CRYGN: variants seen among roughly 807,000 people sequenced by gnomAD.
CRYGN encodes crystallin gamma N, also known as gamma-crystallin N.
A neutral mutation model predicts 19.2 loss-of-function variants in CRYGN; 17 were observed. The ratio of observed to expected loss-of-function variants is 0.89; its 90% CI spans 0.61 to 1.33. The LOEUF (loss-of-function observed/expected upper bound fraction) is 1.33. Ranked by LOEUF, CRYGN falls within the 40% of genes most tolerant of loss-of-function variation. CRYGN has a pLI of 0.00. For synonymous variants in CRYGN, 84 were observed against 85.8 expected (o/e 0.98, Z 0.12); for missense variants, 239 against 239.6 (o/e 1.00, Z 0.02).
chr7:151,429,248 T>C lies in CRYGN; in HGVS notation c.*800A>G, dbSNP rs1801413635. On this transcript the variant is annotated 3_prime_UTR_variant, in exon 4 of 4. Transcript: ENST00000337323. ...GTGAGGGATGGAGTGGGAATCAGGT[T>C]GGAGTTTGGAGCCAAGTTACCTTCT... 6.6e-6 allele frequency: 1 copy of C among 152,276 alleles called. No homozygotes were observed. Among genetic ancestry groups the C allele is most frequent in the Non-Finnish European group, 1.5e-5 (1 of 68,114 alleles). The allele number at this position is 152,276 out of a possible 1,614,324, so 9.4% of individuals were successfully genotyped here. A position where few individuals can be genotyped will look rare whatever the true frequency, so the allele number is the denominator to read the frequency against.
At position 151,435,902 on chromosome 7, in the gene CRYGN, G is replaced by T. The variant is rs951182017; in HGVS notation, c.416+278C>A. Reference sequence around the variant, plus strand: ...AAGGTACTCTCCTACCTCTGCTCCTGGACTGAGGCCCTAGAGGGAAGGTCT... The same window carrying T: ...AAGGTACTCTCCTACCTCTGCTCCTTGACTGAGGCCCTAGAGGGAAGGTCT... On this transcript the variant is annotated intron_variant, in intron 3 of 3. Coordinates refer to ENST00000337323, the MANE Select transcript of CRYGN (RefSeq NM_144727.3). This position sits in a 1 kb window ranked among gnomAD's most constrained non-coding sequence, Gnocchi z 4.2. 2.6e-5 allele frequency among the ~76,000 whole-genome samples: 4 copies of T among 152,176 alleles called. No homozygotes were observed. The highest frequency in any genetic ancestry group is 4.4e-5 in the Non-Finnish European group (3 of 68,030).
Position 151,435,580 on chromosome 7 carries a change from T to C in CRYGN, c.416+600A>G, listed in dbSNP as rs1330975029. Among the ~76,000 whole-genome samples the C allele has an allele frequency of 1.3e-5, 2 of 152,074 alleles. No homozygotes were observed. Among genetic ancestry groups the C allele is most frequent in the African/African-American group, 4.8e-5 (2 of 41,408 alleles). On this transcript the variant is annotated intron_variant, in intron 3 of 3. Transcript: ENST00000337323. The surrounding 1 kb of genome is among the most constrained non-coding windows in gnomAD (Gnocchi z 4.2). ...TGGGGCAGACAAACCCATCTGGGCCTGGGCAAAATTCCCCCAGCTACTTTC... is the reference window on the plus strand; with the variant it reads ...TGGGGCAGACAAACCCATCTGGGCCCGGGCAAAATTCCCCCAGCTACTTTC...
chr7:151,434,743 C>T (rs1200937061), intron 3 of CRYGN, among the ~76,000 whole-genome samples: 1 of 152,218 alleles, frequency 6.6e-6, no homozygotes, highest in Non-Finnish European at 1.5e-5. Flanking sequence ...GGAACCGTGG[C>T]TTTAAGCACA....
rs761689206 is a variant in CRYGN, at chr7:151,436,194, C to T, written c.402G>A (p.Val134=). 3.3e-6 allele frequency: 5 copies of T among 1,537,218 alleles called. No homozygotes were observed. The highest frequency in any genetic ancestry group is 4.4e-6 in the Non-Finnish European group (5 of 1,138,056). The change falls in exon 3 of 4, where the codon GTG becomes GTA. Residue 134 remains valine, a synonymous_variant. Coordinates refer to ENST00000337323, the MANE Select transcript of CRYGN (RefSeq NM_144727.3). The surrounding 1 kb of genome is among the most constrained non-coding windows in gnomAD (Gnocchi z 5.1). The stretch of plus-strand genomic sequence containing the variant: ...CCTGTACTCACGCTCCGTCCCCGTA[C>T]ACCTTGATGGTGTTCACACAGTTCT... The part of the protein sequence containing the change: ...WVKNCVNTIK[V]YGDGAAWSPR...
Position 151,436,805 on chromosome 7 carries a change from A to C in CRYGN, c.271-480T>G, listed in dbSNP as rs1005051558. On this transcript the variant is annotated intron_variant, in intron 2 of 3. Transcript: ENST00000337323. This position sits in a 1 kb window ranked among gnomAD's most constrained non-coding sequence, Gnocchi z 5.1. Reference sequence around the variant, plus strand: ...AACCTTTTAGTAAAACATAAAGCCAAAAATCTAAAACAAATACCAGATCTC... The same window carrying C: ...AACCTTTTAGTAAAACATAAAGCCACAAATCTAAAACAAATACCAGATCTC... The C allele has an allele frequency of 2.6e-5, 4 of 152,296 alleles. No homozygotes were observed. The highest frequency in any genetic ancestry group is 9.6e-5 in the African/African-American group (4 of 41,456). The allele number at this position is 152,296 out of a possible 1,614,324, so 9.4% of individuals were successfully genotyped here.
rs1801478384 is a variant in CRYGN at position 151,431,965 on chromosome 7, G to A, written c.417-1785C>T. The A allele has an allele frequency of 2.1e-5, 8 of 374,664 alleles. No homozygotes were observed. The highest frequency in any genetic ancestry group is 1.5e-4 in the South Asian group (1 of 6,780). The allele number at this position is 374,664 out of a possible 1,614,324, so 23.2% of individuals were successfully genotyped here. A position where few individuals can be genotyped will look rare whatever the true frequency, so the allele number is the denominator to read the frequency against. ...TGGCCCAGGGGGTCCCTGGGAGTCC[G>A]GGAAAGCGCCCTGGATCATCCAGCT... On this transcript the variant is annotated intron_variant, in intron 3 of 3. Transcript: ENST00000337323. The surrounding 1 kb of genome is among the most constrained non-coding windows in gnomAD (Gnocchi z 4.8).
At chr7:151,437,938 G>C (rs1801658514) in intron 2 of CRYGN, 58 bp downstream of exon 2, 1 of 1,603,512 alleles carries the variant, frequency 6.2e-7, no homozygotes, top group South Asian at 1.1e-5. Context: ...GTCTGCCAGG[G>C]CTGACCCTCG....
At chr7:151,434,118 C>A (rs1259079298) in intron 3 of CRYGN, among the ~76,000 whole-genome samples, 1 of 152,160 alleles carries the variant, frequency 6.6e-6, no homozygotes, top group African/African-American at 2.4e-5. Context: ...GGGGGCGTTA[C>A]CTCCTTGACA....
In CRYGN at chr7:151,435,440, G is replaced by A. The variant is rs891553320; in HGVS notation, c.416+740C>T. On this transcript the variant is annotated intron_variant, in intron 3 of 3. Coordinates refer to ENST00000337323, the MANE Select transcript of CRYGN (RefSeq NM_144727.3). The surrounding 1 kb of genome is among the most constrained non-coding windows in gnomAD (Gnocchi z 4.2). Reference sequence around the variant, plus strand: ...GACCTAGAGGTGTGGGCTGGACAATGAAAATACATGGCCAACTTGAAGGTG... The same window carrying A: ...GACCTAGAGGTGTGGGCTGGACAATAAAAATACATGGCCAACTTGAAGGTG... Among the ~76,000 whole-genome samples the A allele has an allele frequency of 2.0e-5, 3 of 152,218 alleles. No individual in the cohort carries two copies. Among genetic ancestry groups the A allele is most frequent in the Non-Finnish European group, 2.9e-5 (2 of 68,036 alleles).
At position 151,430,204 on chromosome 7, in the gene CRYGN, G is replaced by A. The variant is rs373356881; in HGVS notation, c.417-24C>T. 8.1e-6 allele frequency: 13 copies of A among 1,612,816 alleles called. No individual in the cohort carries two copies. In the East Asian group the frequency reaches 8.9e-5, roughly 11 times the overall value. ...CTCTGTGGTTTGCAGGTGAAAGGAG[G>A]TGGGGCCAGGGCATTAGGGGTACAG... On this transcript the variant is annotated intron_variant, in intron 3 of 3. Coordinates refer to ENST00000337323, the MANE Select transcript of CRYGN (RefSeq NM_144727.3). This position sits in a 1 kb window ranked among gnomAD's most constrained non-coding sequence, Gnocchi z 5.2.
In CRYGN at chr7:151,436,442, C is replaced by T. The variant is rs112941673; in HGVS notation, c.271-117G>A. 4.4e-4 allele frequency: 356 copies of T among 802,364 alleles called. 7 individuals are homozygous for T. The African/African-American group carries it at 5.5e-3, about 12-fold the overall frequency. The allele number at this position is 802,364 out of a possible 1,614,324, so 49.7% of individuals were successfully genotyped here. On this transcript the variant is annotated intron_variant, in intron 2 of 3. Transcript: ENST00000337323. This position sits in a 1 kb window ranked among gnomAD's most constrained non-coding sequence, Gnocchi z 5.1. ...AGGTACCCAAGGCACTGGGCACCCC[C>T]ACCCCACACACTTCAACCCCACACT...
Position 151,431,970 on chromosome 7 carries a change from A to G in CRYGN, c.417-1790T>C, listed in dbSNP as rs1035642852. 2.9e-5 allele frequency: 11 copies of G among 376,266 alleles called. No homozygotes were observed. The highest frequency in any genetic ancestry group is 3.8e-5 in the Non-Finnish European group (8 of 212,744). The allele number at this position is 376,266 out of a possible 1,614,324, so 23.3% of individuals were successfully genotyped here. A position where few individuals can be genotyped will look rare whatever the true frequency, so the allele number is the denominator to read the frequency against. ...CAGGGGGTCCCTGGGAGTCCGGGAA[A>G]GCGCCCTGGATCATCCAGCTCCTCC... On this transcript the variant is annotated intron_variant, in intron 3 of 3. Coordinates refer to ENST00000337323, the MANE Select transcript of CRYGN (RefSeq NM_144727.3). The surrounding 1 kb of genome is among the most constrained non-coding windows in gnomAD (Gnocchi z 4.8).
Position 151,440,024 on chromosome 7 carries a change from T to A in CRYGN, c.-107A>T. ...TGCTGGGCCGGCCCCGGAGCGTTAG[T>A]GCTGTCGGGCGTGCTAAGCCCGAGG... On this transcript the variant is annotated 5_prime_UTR_variant, in exon 1 of 4. Coordinates refer to ENST00000337323, the MANE Select transcript of CRYGN (RefSeq NM_144727.3). 7.2e-7 allele frequency: 1 copy of A among 1,391,850 alleles called. No individual in the cohort carries two copies. The highest frequency in any genetic ancestry group is 1.5e-5 in the African/African-American group (1 of 67,154). The allele number at this position is 1,391,850 out of a possible 1,614,324, so 86.2% of individuals were successfully genotyped here.
In CRYGN at chr7:151,436,867, C is replaced by G. The variant is rs1801621540; in HGVS notation, c.271-542G>C. ...CCCCTGCTGGCCTTGACATCATTGT[C>G]CCCTAGGCTCAGCACATCTCCCTAT... On this transcript the variant is annotated intron_variant, in intron 2 of 3. Coordinates refer to ENST00000337323, the MANE Select transcript of CRYGN (RefSeq NM_144727.3). This position sits in a 1 kb window ranked among gnomAD's most constrained non-coding sequence, Gnocchi z 5.1. 1.3e-5 allele frequency: 2 copies of G among 152,330 alleles called. No individual in the cohort carries two copies. The highest frequency in any genetic ancestry group is 3.4e-3 in the Middle Eastern group (1 of 294). The allele number at this position is 152,330 out of a possible 1,614,324, so 9.4% of individuals were successfully genotyped here. A position where few individuals can be genotyped will look rare whatever the true frequency, so the allele number is the denominator to read the frequency against.
At position 151,435,282 on chromosome 7, in the gene CRYGN, G is replaced by A. The variant is rs1021210712; in HGVS notation, c.416+898C>T. On this transcript the variant is annotated intron_variant, in intron 3 of 3. Coordinates refer to ENST00000337323, the MANE Select transcript of CRYGN (RefSeq NM_144727.3). The surrounding 1 kb of genome is among the most constrained non-coding windows in gnomAD (Gnocchi z 4.2). ...GGAGGGGACTGAGGCCTGGGAAAGC[G>A]GCTAGCTCTGGAACAGGGACAGACA... Among the ~76,000 whole-genome samples the A allele has an allele frequency of 1.5e-4, 23 of 152,208 alleles. No homozygotes were observed. Among genetic ancestry groups the A allele is most frequent in the Admixed American group, 3.9e-4 (6 of 15,284 alleles).
At position 151,436,084 on chromosome 7, in the gene CRYGN, C is replaced by T; in HGVS notation, c.416+96G>A. On this transcript the variant is annotated intron_variant, in intron 3 of 3. Coordinates refer to ENST00000337323, the MANE Select transcript of CRYGN (RefSeq NM_144727.3). The surrounding 1 kb of genome is among the most constrained non-coding windows in gnomAD (Gnocchi z 5.1). ...CCCACTGCTGGAGGTCTCATTCCCACCCCACCCACCACCCCTGTGTGGCGG... is the reference window on the plus strand; with the variant it reads ...CCCACTGCTGGAGGTCTCATTCCCATCCCACCCACCACCCCTGTGTGGCGG... 9.6e-7 allele frequency: 1 copy of T among 1,041,470 alleles called. No homozygotes were observed. Among genetic ancestry groups the T allele is most frequent in the Non-Finnish European group, 1.3e-6 (1 of 791,258 alleles). 64.5% of individuals were successfully genotyped at this position (1,041,470 alleles called of 1,614,324 possible).
intron 1 of CRYGN, 107 bp from the exon 2 acceptor site, chr7:151,438,351 C>T (rs1801676140): frequency 2.6e-6 from 3 of 1,175,536 alleles, no homozygotes; most frequent in African/African-American, 1.5e-5. Flanking sequence ...ACTCCCAGGC[C>T]CCCAAAAGCC....
Position 151,439,927 on chromosome 7 carries a change from C to T in CRYGN, c.-10G>A. 6.5e-7 allele frequency: 1 copy of T among 1,538,094 alleles called. No individual in the cohort carries two copies. Among genetic ancestry groups the T allele is most frequent in the Non-Finnish European group, 8.7e-7 (1 of 1,142,920 alleles). On this transcript the variant is annotated 5_prime_UTR_variant, in exon 1 of 4. Transcript: ENST00000337323. ...CCGAGCGCTGCGCCATGGTGCGCCCCGCCCCTTCCGCGGGTCCCCGTTTAC... is the reference window on the plus strand; with the variant it reads ...CCGAGCGCTGCGCCATGGTGCGCCCTGCCCCTTCCGCGGGTCCCCGTTTAC...
chr7:151,430,002 G>A lies in CRYGN; in HGVS notation c.*46C>T. On this transcript the variant is annotated 3_prime_UTR_variant, in exon 4 of 4. Coordinates refer to ENST00000337323, the MANE Select transcript of CRYGN (RefSeq NM_144727.3). The surrounding 1 kb of genome is among the most constrained non-coding windows in gnomAD (Gnocchi z 5.2). ...ATGATTTTAAGTAAACACTCTCCCG[G>A]CTCAGAAACGGTGCAGGTGCATTTA... The A allele has an allele frequency of 1.2e-6, 1 of 808,996 alleles. No homozygotes were observed. The allele number at this position is 808,996 out of a possible 1,614,324, so 50.1% of individuals were successfully genotyped here. A position where few individuals can be genotyped will look rare whatever the true frequency, so the allele number is the denominator to read the frequency against.
Sources: allele counts gnomAD v4.1 joint callset (sites outside exome capture counted in the v4.1 genomes callset), GRCh38; gene constraint gnomAD v4.1.1; non-coding constraint Gnocchi (gnomAD v3.1); transcripts MANE v1.5; gene names NCBI Gene and HGNC (gene_info 2026-07-23, HGNC 2026-07-21).